Variants in TOPAZ1 observed in about 807,000 individuals in gnomAD.
The protein encoded by TOPAZ1 is protein TOPAZ1.
TOPAZ1 carries 66 observed loss-of-function variants against 172.2 expected under a neutral mutation model. The ratio of observed to expected loss-of-function variants is 0.38; its 90% confidence interval spans 0.31 to 0.47. The LOEUF is 0.47. Ranked by LOEUF, TOPAZ1 falls within the 20% of genes least tolerant of loss-of-function variation. The pLI is 0.99. For synonymous variants in TOPAZ1, 681 were observed against 683.9 expected (o/e 1.00, Z 0.07); for missense variants, 1,822 against 1,972.4 (o/e 0.92, Z 1.44).
At chr3:44,286,969 A>G (rs1031854675) in intron 9 of TOPAZ1, among the ~76,000 whole-genome samples, 2 of 152,216 alleles carry the variant, frequency 1.3e-5, no homozygotes, top group African/African-American at 2.4e-5. Flanking sequence ...AATAATGTCA[A>G]CATGTTGGTG....
At chr3:44,304,118 C>G (rs1700307867) in intron 13 of TOPAZ1, 37 bp downstream of exon 13, 2 of 1,225,574 alleles carry the variant, frequency 1.6e-6, no homozygotes, top group Admixed American at 5.2e-5. Context: ...TTGCTGGGAT[C>G]TCTGAAAATC....
intron 8 of TOPAZ1, 87 bp downstream of exon 8, chr3:44,270,897 A>G: frequency 3.2e-6 from 4 of 1,251,418 alleles, no homozygotes; most frequent in Non-Finnish European, 4.3e-6. Flanking sequence ...TTGACTCCTA[A>G]TAGCATAGAT....
chr3:44,328,834 T>C (rs1008035368), intron 19 of TOPAZ1, among the ~76,000 whole-genome samples: 4 of 152,202 alleles, frequency 2.6e-5, no homozygotes, highest in Admixed American at 1.3e-4. Flanking sequence ...AAGAATACCA[T>C]TGAAAATAAA....
At chr3:44,282,751 A>G (rs1269167006) in intron 9 of TOPAZ1, among the ~76,000 whole-genome samples, 5 of 152,050 alleles carry the variant, frequency 3.3e-5, no homozygotes, top group Admixed American at 6.6e-5. Context: ...TTCACTTCAT[A>G]TATTTCTGCT....
intron 2 of TOPAZ1, among the ~76,000 whole-genome samples, chr3:44,254,675 T>C (rs1429737887): frequency 1.3e-5 from 2 of 151,156 alleles, no homozygotes; most frequent in African/African-American, 4.9e-5. Context: ...CTATCTCGTA[T>C]TGGTGTAATA....
chr3:44,319,103 G>A (rs574269344), intron 16 of TOPAZ1, among the ~76,000 whole-genome samples: 81 of 152,084 alleles, frequency 5.3e-4, no homozygotes, highest in Admixed American at 1.4e-3. Flanking sequence ...CTTCCCCCAC[G>A]GCCAGGTGGC....
At position 44,275,618 on chromosome 3, in the gene TOPAZ1, G is replaced by T. The variant is rs1237813891; in HGVS notation, c.3372+4808G>T. Among the ~76,000 whole-genome samples the T allele has an allele frequency of 6.6e-5, 10 of 151,990 alleles. 1 individual carries two copies. The highest frequency in any genetic ancestry group is 8.8e-5 in the Non-Finnish European group (6 of 68,022). ...TGATCTATTGATGGACTCTTGGGTT[G>T]ATTCCATATCTTTGCTATTGTGAAT... On this transcript the variant is annotated intron_variant, in intron 8 of 19. Coordinates refer to ENST00000309765, the MANE Select transcript of TOPAZ1 (RefSeq NM_001145030.2).
At chr3:44,253,376 A>G (rs1334548207) in intron 2 of TOPAZ1, among the ~76,000 whole-genome samples, 1 of 152,246 alleles carries the variant, frequency 6.6e-6, no homozygotes, top group Non-Finnish European at 1.5e-5. Context: ...GCAGGGAGCT[A>G]TTGTAATAAG....
Position 44,243,882 on chromosome 3 carries a change from A to G in TOPAZ1, c.1376A>G (p.Glu459Gly), listed in dbSNP as rs1559522135. 1.3e-6 allele frequency: 2 copies of G among 1,551,826 alleles called. No homozygotes were observed. The highest frequency in any genetic ancestry group is 1.7e-6 in the Non-Finnish European group (2 of 1,146,960). The change falls in exon 2 of 20, where the codon GAG becomes GGG. Residue 459 changes from glutamate (E) to glycine (G), a missense_variant. Physicochemically the swap from Glu to Gly is moderately conservative, Grantham distance 98. Transcript: ENST00000309765. ...MKSFIGKSPN[E>G]YHIERRSSRE... is the part of the protein sequence containing the mutation. Reference sequence around the variant, plus strand: ...AGCTTCATAGGGAAATCACCTAATGAGTACCATATTGAAAGGAGATCTTCA... The same window carrying G: ...AGCTTCATAGGGAAATCACCTAATGGGTACCATATTGAAAGGAGATCTTCA...
chr3:44,301,595 G>T (rs1700273091), intron 12 of TOPAZ1, among the ~76,000 whole-genome samples: 1 of 152,198 alleles, frequency 6.6e-6, no homozygotes, highest in South Asian at 2.1e-4. Context: ...GTTTTAGTTT[G>T]CATTTCTCTC....
At chr3:44,330,800 A>G (rs1700658950) in intron 19 of TOPAZ1, among the ~76,000 whole-genome samples, 1 of 152,246 alleles carries the variant, frequency 6.6e-6, no homozygotes. Flanking sequence ...TCCCTACCCC[A>G]GAGGAAAAAA....
intron 15 of TOPAZ1, among the ~76,000 whole-genome samples, chr3:44,308,562 A>C (rs939480489): frequency 3.9e-5 from 6 of 151,952 alleles, no homozygotes; most frequent in African/African-American, 1.5e-4. Flanking sequence ...AGTCTTTGCT[A>C]TTGTGAATAG....
At chr3:44,261,724 G>A (rs973877447) in intron 4 of TOPAZ1, among the ~76,000 whole-genome samples, 1 of 152,098 alleles carries the variant, frequency 6.6e-6, no homozygotes, top group Non-Finnish European at 1.5e-5. Context: ...GAATAACATT[G>A]AATCCATAAA....
At chr3:44,333,192 T>C (rs900005307), downstream of TOPAZ1, among the ~76,000 whole-genome samples, 2 of 152,088 alleles carry the variant, frequency 1.3e-5, no homozygotes, top group African/African-American at 4.8e-5. Context: ...AATAAGTCTG[T>C]AACATCACAA....
intron 12 of TOPAZ1, among the ~76,000 whole-genome samples, chr3:44,298,813 A>G (rs200959172): frequency 2.1e-5 from 1 of 46,834 alleles, no homozygotes; most frequent in Non-Finnish European, 4.8e-5. Context: ...AAAATAGGGG[A>G]AAATTTGGAA....
At chr3:44,272,218 C>T (rs1297317352) in intron 8 of TOPAZ1, among the ~76,000 whole-genome samples, 1 of 152,184 alleles carries the variant, frequency 6.6e-6, no homozygotes, top group Non-Finnish European at 1.5e-5. Context: ...GACGTGCAGA[C>T]ATCTCTTCAA....
chr3:44,291,104 G>A (rs1274543853), intron 12 of TOPAZ1, among the ~76,000 whole-genome samples: 1 of 151,850 alleles, frequency 6.6e-6, no homozygotes, highest in Non-Finnish European at 1.5e-5. Context: ...TCCTCTCAAT[G>A]TCCTGCTCAT....
intron 18 of TOPAZ1, among the ~76,000 whole-genome samples, chr3:44,325,766 C>T (rs1226113025): frequency 6.6e-6 from 1 of 152,078 alleles, no homozygotes; most frequent in African/African-American, 2.4e-5. Context: ...GCCTCAGCCT[C>T]CTGAGTAGCT....
chr3:44,290,328 A>C (rs955611741), intron 11 of TOPAZ1, among the ~76,000 whole-genome samples: 15 of 152,146 alleles, frequency 9.9e-5, no homozygotes, highest in African/African-American at 3.6e-4. Flanking sequence ...TATTTTTTTA[A>C]TTACGTGCTA....
Sources: allele counts gnomAD v4.1 joint callset (sites outside exome capture counted in the v4.1 genomes callset), GRCh38; gene constraint gnomAD v4.1.1; transcripts MANE v1.5; gene names NCBI Gene and HGNC (gene_info 2026-07-23, HGNC 2026-07-21).